MYO18B: variants seen among roughly 807,000 people sequenced by gnomAD.
MYO18B encodes the protein unconventional myosin-XVIIIb.
MYO18B carries 204 observed loss-of-function variants against 273.0 expected under a neutral mutation model. The observed-to-expected ratio is 0.75, with a 90% CI of 0.67 to 0.84. MYO18B has a LOEUF of 0.84. MYO18B is among the 40% of genes least tolerant of loss of function. The pLI is 0.00. For missense variants in MYO18B, 3,212 were observed against 3,287.6 expected (o/e 0.98, Z 0.56); for synonymous variants, 1,330 against 1,305.7 (o/e 1.02, Z -0.40).
chr22:25,921,529 G>A (rs1569192706), intron 34 of MYO18B, 120 bp downstream of exon 34: 1 of 1,281,152 alleles, frequency 7.8e-7, no homozygotes, highest in Non-Finnish European at 1.1e-6. Flanking sequence ...TTTCACAGAT[G>A]TGCAGGGAGA....
At chr22:25,993,393 A>G (rs900080132) in intron 40 of MYO18B, among the ~76,000 whole-genome samples, 1 of 152,298 alleles carries the variant, frequency 6.6e-6, no homozygotes, top group Admixed American at 6.5e-5. Flanking sequence ...CAGCTTTTCA[A>G]TAAAGAATCT....
At chr22:25,774,309 G>A (rs897315840) in intron 7 of MYO18B, among the ~76,000 whole-genome samples, 1 of 152,160 alleles carries the variant, frequency 6.6e-6, no homozygotes, top group African/African-American at 2.4e-5. Flanking sequence ...GCCAGAGCTT[G>A]GCACGTGCCC....
At chr22:25,913,037 C>G (rs2092188794) in intron 33 of MYO18B, among the ~76,000 whole-genome samples, 1 of 152,172 alleles carries the variant, frequency 6.6e-6, no homozygotes, top group Non-Finnish European at 1.5e-5. Context: ...CCTAAAACCC[C>G]AAACTGCAGT....
At chr22:25,862,483 T>G (rs1283482899) in intron 21 of MYO18B, among the ~76,000 whole-genome samples, 1 of 152,234 alleles carries the variant, frequency 6.6e-6, no homozygotes, top group African/African-American at 2.4e-5. Context: ...CTTCCTTTAA[T>G]GTAAGTGAAA....
At chr22:25,891,246 A>C in intron 26 of MYO18B, 58 bp from the exon 27 acceptor site, 1 of 1,279,058 alleles carries the variant, frequency 7.8e-7, no homozygotes, top group Non-Finnish European at 1.1e-6. Context: ...CATGGGTAAG[A>C]TGACCAGCCC....
chr22:25,920,113 A>G (rs2092320384), intron 33 of MYO18B, among the ~76,000 whole-genome samples: 1 of 152,130 alleles, frequency 6.6e-6, no homozygotes, highest in Non-Finnish European at 1.5e-5. Flanking sequence ...TTTTTTCTAG[A>G]ATATTCCAGG....
At chr22:26,026,348 A>G in intron 42 of MYO18B, 97 bp from the exon 43 acceptor site, 1 of 1,380,118 alleles carries the variant, frequency 7.2e-7, no homozygotes, top group Non-Finnish European at 9.8e-7. Context: ...CCAAAGAAAA[A>G]TAATATTAGT....
In MYO18B at chr22:25,846,253, A is replaced by G; in HGVS notation, c.3522A>G (p.Lys1174=). Reference sequence around the variant, plus strand: ...GCAGCCTTGCCGCGGTGAGGAGGAAAGCCCCGTGCTCCCAGATCAAGCTGC... The same window carrying G: ...GCAGCCTTGCCGCGGTGAGGAGGAAGGCCCCGTGCTCCCAGATCAAGCTGC... ...FASSLAAVRR[K]APCSQIKLQM... The change falls in exon 19 of 44, where the codon AAA becomes AAG. Residue 1174 remains lysine, a synonymous_variant. Coordinates refer to ENST00000335473, the MANE Select transcript of MYO18B (RefSeq NM_032608.7). 6.2e-7 allele frequency: 1 copy of G among 1,612,126 alleles called. No individual in the cohort carries two copies. Among genetic ancestry groups the G allele is most frequent in the Non-Finnish European group, 8.5e-7 (1 of 1,179,820 alleles).
chr22:26,062,921 C>G, the MYO18B span, among the ~76,000 whole-genome samples: 1 of 152,192 alleles, frequency 6.6e-6, no homozygotes, highest in African/African-American at 2.4e-5. Context: ...AGGGTAGCCT[C>G]CATCCATAAT....
chr22:25,902,016 A>G (rs142709795), intron 29 of MYO18B, among the ~76,000 whole-genome samples: 1 of 151,950 alleles, frequency 6.6e-6, no homozygotes, highest in African/African-American at 2.4e-5. Flanking sequence ...AAAAATTTTA[A>G]AAATAGAGAT....
chr22:25,829,226 C>T (rs540910888), intron 15 of MYO18B, among the ~76,000 whole-genome samples: 3 of 152,326 alleles, frequency 2.0e-5, no homozygotes, highest in Admixed American at 6.5e-5. Context: ...CTTGCTTCCA[C>T]GGCTGTCCTT....
chr22:25,933,771 T>C (rs1382783704), intron 34 of MYO18B, among the ~76,000 whole-genome samples: 2 of 152,216 alleles, frequency 1.3e-5, no homozygotes, highest in Non-Finnish European at 2.9e-5. Flanking sequence ...TGGTTATGAA[T>C]AGAGCCAGTA....
intron 41 of MYO18B, among the ~76,000 whole-genome samples, chr22:26,004,377 G>A (rs2146917496): frequency 6.6e-6 from 1 of 152,252 alleles, no homozygotes; most frequent in South Asian, 2.1e-4. Flanking sequence ...TCCTAAATTG[G>A]AGAGACCTCA....
chr22:26,005,783 G>C (rs1601815179), intron 42 of MYO18B, among the ~76,000 whole-genome samples: 1 of 152,292 alleles, frequency 6.6e-6, no homozygotes, highest in East Asian at 1.9e-4. Context: ...TTTGATGCAG[G>C]GGTTGTCTTT....
chr22:25,895,937 T>C (rs567223468), intron 28 of MYO18B, among the ~76,000 whole-genome samples: 22 of 152,182 alleles, frequency 1.4e-4, no homozygotes, highest in African/African-American at 4.1e-4. Context: ...TTTTTTTTTT[T>C]CCGCTCCCAG....
At chr22:25,867,300 A>T (rs982070437) in intron 21 of MYO18B, among the ~76,000 whole-genome samples, 2 of 152,100 alleles carry the variant, frequency 1.3e-5, no homozygotes, top group Non-Finnish European at 2.9e-5. Context: ...CCTGTCTCCA[A>T]CCCCTAGCCA....
At chr22:25,935,076 A>G (rs1484674050) in intron 34 of MYO18B, among the ~76,000 whole-genome samples, 1 of 152,210 alleles carries the variant, frequency 6.6e-6, no homozygotes. Context: ...TTAATAGTGT[A>G]ACTGAAAATT....
At chr22:25,770,830 TCTC>T in intron 5 of MYO18B, 39 bp from the exon 6 acceptor site, 1 of 1,436,250 alleles carries the variant, frequency 7.0e-7, no homozygotes. Flanking sequence ...TCCCCTCCCA[TCTC>T]CTCCCCGTTC....
At chr22:25,904,378 A>G (rs2091998250) in intron 31 of MYO18B, among the ~76,000 whole-genome samples, 1 of 152,142 alleles carries the variant, frequency 6.6e-6, no homozygotes, top group South Asian at 2.1e-4. Context: ...CATCTCACGA[A>G]TCTCCACATG....
Sources: gnomAD v4.1 joint callset for allele counts (sites outside exome capture counted in the v4.1 genomes callset) on GRCh38, gnomAD v4.1.1 for gene constraint, MANE v1.5 for transcripts, NCBI Gene and HGNC (gene_info 2026-07-23, HGNC 2026-07-21) for gene names.